Variants in CAP2 observed in about 807,000 individuals in gnomAD.
CAP2 encodes the protein adenylyl cyclase-associated protein 2.
Under a neutral mutation model 57.7 loss-of-function variants are expected in CAP2, and 24 were observed. The ratio of observed to expected loss-of-function variants is 0.42; its 90% CI spans 0.30 to 0.58. The LOEUF (loss-of-function observed/expected upper bound fraction) is 0.58. CAP2 is among the 20% of genes least tolerant of loss of function. CAP2 has a pLI of 0.22. For synonymous variants in CAP2, 194 were observed against 207.2 expected (o/e 0.94, Z 0.55); for missense variants, 501 against 590.3 (o/e 0.85, Z 1.57).
Position 17,462,984 on chromosome 6 carries a change from C to T in CAP2, c.223-12C>T. The T allele has an allele frequency of 1.2e-6, 2 of 1,612,920 alleles. No homozygotes were observed. Among genetic ancestry groups the T allele is most frequent in the Non-Finnish European group, 1.7e-6 (2 of 1,178,924 alleles). The stretch of plus-strand genomic sequence containing the variant: ...CAAACATTGAAACTGCCATCTTCCT[C>T]TTTGTTCCCAGGCAGAAATGGTGCA... On this transcript the variant is annotated splice_polypyrimidine_tract_variant and intron_variant, in intron 3 of 12. Coordinates refer to ENST00000229922, the MANE Select transcript of CAP2 (RefSeq NM_006366.3).
intron 11 of CAP2, among the ~76,000 whole-genome samples, chr6:17,548,170 A>G (rs1763095722): frequency 6.6e-6 from 1 of 152,046 alleles, no homozygotes; most frequent in Admixed American, 6.6e-5. Flanking sequence ...GATTGAGATC[A>G]TCTTGGCTAA....
chr6:17,458,215 T>TGG (rs1461844341), intron 3 of CAP2, among the ~76,000 whole-genome samples: 1 of 152,204 alleles, frequency 6.6e-6, no homozygotes, highest in Admixed American at 6.5e-5. Context: ...AGCCCTCTAT[T>TGG]CTTCCCTAAT....
At chr6:17,470,873 A>G (rs1170250138) in intron 4 of CAP2, among the ~76,000 whole-genome samples, 1 of 152,226 alleles carries the variant, frequency 6.6e-6, no homozygotes, top group Non-Finnish European at 1.5e-5. Flanking sequence ...CCATTTCTCT[A>G]GCTGTCCAGG....
intron 4 of CAP2, among the ~76,000 whole-genome samples, chr6:17,466,793 C>T (rs899014293): frequency 2.6e-5 from 4 of 152,180 alleles, no homozygotes; most frequent in Non-Finnish European, 5.9e-5. Flanking sequence ...CTTCTCCTAC[C>T]ATTTCTGTAG....
intron 4 of CAP2, among the ~76,000 whole-genome samples, chr6:17,466,011 A>G (rs992453437): frequency 6.6e-6 from 1 of 152,208 alleles, no homozygotes; most frequent in Non-Finnish European, 1.5e-5. Flanking sequence ...GATCTGCCGT[A>G]CAAGATCACT....
At chr6:17,446,063 A>G (rs902254413) in intron 3 of CAP2, among the ~76,000 whole-genome samples, 8 of 152,210 alleles carry the variant, frequency 5.3e-5, no homozygotes, top group African/African-American at 1.9e-4. Flanking sequence ...TCATTTTTCT[A>G]GTACTGCATT....
At chr6:17,413,449 G>C (rs1351456560) in intron 1 of CAP2, among the ~76,000 whole-genome samples, 2 of 152,168 alleles carry the variant, frequency 1.3e-5, no homozygotes, top group African/African-American at 4.8e-5. Context: ...CAGCTTCCTG[G>C]CTTGACTGAG....
rs1379474466 is a variant in CAP2 at position 17,540,201 on chromosome 6, C to G, written c.826+743C>G. The stretch of plus-strand genomic sequence containing the variant: ...TAAGAATCCAAAATTCTAAATTTTT[C>G]TCTGGCTCCAACTGGTTCTGCTGTG... On this transcript the variant is annotated intron_variant, in intron 8 of 12. Transcript: ENST00000229922. Among the ~76,000 whole-genome samples, 3 of 152,160 alleles carry G rather than the reference C, an allele frequency of 2.0e-5. No individual in the cohort carries two copies. The East Asian group carries it at 5.8e-4, about 29-fold the overall frequency.
chr6:17,529,640 CAA>C (rs1554129487), intron 7 of CAP2, among the ~76,000 whole-genome samples: 1 of 117,296 alleles, frequency 8.5e-6, no homozygotes, highest in Non-Finnish European at 1.7e-5. Flanking sequence ...GACTCCGTCT[CAA>C]AAAAAAAAAA....
chr6:17,437,844 T>C (rs1759937276), intron 3 of CAP2, among the ~76,000 whole-genome samples: 1 of 152,096 alleles, frequency 6.6e-6, no homozygotes. Flanking sequence ...GCCACTGCAC[T>C]CGGTCCAACC....
At chr6:17,545,048 A>T (rs998552977) in intron 11 of CAP2, among the ~76,000 whole-genome samples, 18 of 152,220 alleles carry the variant, frequency 1.2e-4, no homozygotes, top group Non-Finnish European at 2.5e-4. Flanking sequence ...GGGAGTTCCT[A>T]TGTAAAGAAA....
intron 3 of CAP2, among the ~76,000 whole-genome samples, chr6:17,444,684 A>T (rs1348840115): frequency 6.6e-6 from 1 of 150,866 alleles, no homozygotes; most frequent in African/African-American, 2.4e-5. Flanking sequence ...GTTTTAAGTC[A>T]TGAAATTAGC....
intron 1 of CAP2, among the ~76,000 whole-genome samples, chr6:17,412,069 T>C (rs1430089436): frequency 6.6e-6 from 1 of 152,074 alleles, no homozygotes; most frequent in Non-Finnish European, 1.5e-5. Flanking sequence ...CAGAGTCCTT[T>C]ATTTTATGGC....
intron 12 of CAP2, among the ~76,000 whole-genome samples, chr6:17,555,838 A>G (rs1364909729): frequency 6.6e-6 from 1 of 152,156 alleles, no homozygotes; most frequent in Non-Finnish European, 1.5e-5. Context: ...AAGTTCTGAG[A>G]TTACAGGCTT....
chr6:17,548,699 G>T (rs72835461), intron 11 of CAP2, among the ~76,000 whole-genome samples: 6,474 of 152,264 alleles, frequency 0.043, 225 homozygotes, highest in African/African-American at 0.094. Context: ...ATAAGGTGAA[G>T]GGACTTGCAT....
intron 4 of CAP2, among the ~76,000 whole-genome samples, chr6:17,473,596 T>G (rs759251489): frequency 2.0e-5 from 3 of 152,220 alleles, no homozygotes; most frequent in Non-Finnish European, 4.4e-5. Context: ...CAGCCTTAAC[T>G]TAGATCCTCT....
intron 3 of CAP2, among the ~76,000 whole-genome samples, chr6:17,445,498 C>T (rs1760233535): frequency 6.6e-6 from 1 of 152,170 alleles, no homozygotes; most frequent in Non-Finnish European, 1.5e-5. Flanking sequence ...TTGCTTCCCC[C>T]TCAATTGTTT....
intron 3 of CAP2, among the ~76,000 whole-genome samples, chr6:17,453,683 C>G (rs1328994841): frequency 2.0e-5 from 3 of 152,134 alleles, no homozygotes; most frequent in African/African-American, 7.2e-5. Context: ...AGTGAAGACA[C>G]TATTCCCACA....
At chr6:17,421,358 A>C (rs1329114103) in intron 1 of CAP2, among the ~76,000 whole-genome samples, 197 bp from the exon 2 acceptor site, 1 of 152,202 alleles carries the variant, frequency 6.6e-6, no homozygotes, top group African/African-American at 2.4e-5. Flanking sequence ...TGTAACCAAA[A>C]ACCACTTGTA....
Sources: gnomAD v4.1 joint callset for allele counts (sites outside exome capture counted in the v4.1 genomes callset) on GRCh38, gnomAD v4.1.1 for gene constraint, MANE v1.5 for transcripts, NCBI Gene and HGNC (gene_info 2026-07-23, HGNC 2026-07-21) for gene names.